Variants in SNX2 observed in about 807,000 individuals in gnomAD.
SNX2 encodes sorting nexin 2, also known as sorting nexin-2.
In SNX2, 25 loss-of-function variants were observed where a neutral mutation model predicts 69.9. The ratio of observed to expected loss-of-function variants is 0.36; its 90% CI spans 0.26 to 0.50. The LOEUF (loss-of-function observed/expected upper bound fraction) is 0.50. Among genes scored for constraint, SNX2 ranks in the 20% least tolerant of loss-of-function variants. The pLI is 0.97. For synonymous variants in SNX2, 229 were observed against 200.4 expected, an observed-to-expected ratio of 1.14 and a Z score of -1.20; for missense variants, 551 against 613.3, an observed-to-expected ratio of 0.90 and a Z score of 1.07.
At position 122,832,148 on chromosome 5, in the gene SNX2, T is replaced by TA. The variant is rs1318961059; in HGVS notation, c.*2503dup. 6.6e-6 allele frequency among the ~76,000 whole-genome samples: 1 copy of TA among 152,206 alleles called. No individual in the cohort carries two copies. The highest frequency in any genetic ancestry group is 2.4e-5 in the African/African-American group (1 of 41,460). On this transcript the variant is annotated 3_prime_UTR_variant, in exon 15 of 15. Coordinates refer to ENST00000379516, the MANE Select transcript of SNX2 (RefSeq NM_003100.4). The stretch of plus-strand genomic sequence containing the variant: ...TTGTTTTCTTAATGAGATCAAAAGT[T>TA]AAAGACCAAGGCAGCAAAATATTGT...
Position 122,817,029 on chromosome 5 carries a change from G to A in SNX2, c.912+1G>A. 1 of 1,604,316 alleles carries A rather than the reference G, an allele frequency of 6.2e-7. No individual in the cohort carries two copies. Among genetic ancestry groups the A allele is most frequent in the Non-Finnish European group, 8.5e-7 (1 of 1,172,436 alleles). ...AATCAAGATGAATGAATCGGATGCA[G>A]TAAGAGCTGATTTTTCGGCTTGAAT... On this transcript the variant is annotated splice_donor_variant, in intron 9 of 14. Transcript: ENST00000379516. LOFTEE classifies it high-confidence loss of function.
intron 8 of SNX2, among the ~76,000 whole-genome samples, chr5:122,816,441 G>C (rs975450657): frequency 6.6e-6 from 1 of 152,164 alleles, no homozygotes; most frequent in Non-Finnish European, 1.5e-5. Context: ...TGGCTCCTAA[G>C]AGCAATTTGA....
chr5:122,825,045 A>G (rs1754123230), intron 11 of SNX2, among the ~76,000 whole-genome samples: 1 of 152,160 alleles, frequency 6.6e-6, no homozygotes, highest in Non-Finnish European at 1.5e-5. Context: ...ATTTTCTCCA[A>G]AGCCTGCTTT....
chr5:122,780,244 T>C (rs933489669), intron 1 of SNX2, among the ~76,000 whole-genome samples: 3 of 152,144 alleles, frequency 2.0e-5, no homozygotes, highest in Non-Finnish European at 4.4e-5. Context: ...TAGTGGAGTG[T>C]ATGAACCAAC....
At chr5:122,804,908 C>T (rs1753602377) in intron 6 of SNX2, among the ~76,000 whole-genome samples, 1 of 152,040 alleles carries the variant, frequency 6.6e-6, no homozygotes, top group Non-Finnish European at 1.5e-5. Context: ...GTGAGCACTA[C>T]CATTACTTTT....
At chr5:122,816,827 G>A (rs2279093) in intron 8 of SNX2, 88 bp from the exon 9 acceptor site, 3 of 572,192 alleles carry the variant, frequency 5.2e-6, no homozygotes, top group East Asian at 3.4e-5. Flanking sequence ...TGGGGGGGAG[G>A]GGGGAGGAGG....
In SNX2 at chr5:122,799,620, A is replaced by G. The variant is rs528219397; in HGVS notation, c.227-72A>G. 12 of 909,200 alleles carry G rather than the reference A, an allele frequency of 1.3e-5. 1 individual carries two copies. The Admixed American group carries it at 3.2e-4, about 24-fold the overall frequency. 56.3% of individuals were successfully genotyped at this position (909,200 alleles called of 1,614,324 possible). On this transcript the variant is annotated intron_variant, in intron 2 of 14. Transcript: ENST00000379516. The stretch of plus-strand genomic sequence containing the variant: ...AATATAAAAATATTTTTTATAATCC[A>G]TTAACTGCTATGTAGAATATTGGGG...
chr5:122,790,972 A>G (rs1436892119), intron 1 of SNX2, among the ~76,000 whole-genome samples: 2 of 152,202 alleles, frequency 1.3e-5, no homozygotes, highest in Non-Finnish European at 2.9e-5. Flanking sequence ...ATTTCTCACC[A>G]TTAAGTATGA....
At position 122,822,438 on chromosome 5, in the gene SNX2, G is replaced by A. The variant is rs114937653; in HGVS notation, c.1212+3415G>A. On this transcript the variant is annotated intron_variant, in intron 11 of 14. Coordinates refer to ENST00000379516, the MANE Select transcript of SNX2 (RefSeq NM_003100.4). ...CATGTCCTTTGCCCAGTTTTTGTTTGGTTATTATCTATTTCGAATAGGTGC... is the reference window on the plus strand; with the variant it reads ...CATGTCCTTTGCCCAGTTTTTGTTTAGTTATTATCTATTTCGAATAGGTGC... Among the ~76,000 whole-genome samples, 1,259 of 152,124 alleles carry A rather than the reference G, an allele frequency of 8.3e-3. 19 individuals carry two copies. Among genetic ancestry groups the A allele is most frequent in the African/African-American group, 0.029 (1,193 of 41,482 alleles).
At chr5:122,826,860 AT>A (rs1754160743) in intron 12 of SNX2, among the ~76,000 whole-genome samples, 1 of 151,858 alleles carries the variant, frequency 6.6e-6, no homozygotes, top group African/African-American at 2.4e-5. Flanking sequence ...ATAATTCCAC[AT>A]TTTTTTCCAA....
intron 1 of SNX2, among the ~76,000 whole-genome samples, chr5:122,789,473 G>A (rs11750236): frequency 0.059 from 2,156 of 36,558 alleles, 23 homozygotes; most frequent in African/African-American, 0.16. Context: ...AGACACACAC[G>A]GACACACACA....
At chr5:122,823,442 G>T (rs1346437787) in intron 11 of SNX2, among the ~76,000 whole-genome samples, 1 of 152,014 alleles carries the variant, frequency 6.6e-6, no homozygotes, top group African/African-American at 2.4e-5. Flanking sequence ...CCTGGTTCTA[G>T]AATACTATGA....
intron 1 of SNX2, among the ~76,000 whole-genome samples, chr5:122,791,165 C>T (rs1288834902): frequency 6.8e-6 from 1 of 146,952 alleles, no homozygotes; most frequent in East Asian, 2.0e-4. Flanking sequence ...TTCTTGTTGC[C>T]CAGGCTAGAG....
intron 11 of SNX2, among the ~76,000 whole-genome samples, chr5:122,824,756 C>T (rs1223547590): frequency 1.3e-5 from 2 of 152,130 alleles, no homozygotes; most frequent in African/African-American, 4.8e-5. Flanking sequence ...TTCCATAATA[C>T]TAACCTATCC....
At position 122,815,958 on chromosome 5, in the gene SNX2, TG is replaced by T. The variant is rs749605126; in HGVS notation, c.787del (p.Glu263LysfsTer14). On this transcript the variant is annotated frameshift_variant, in exon 8 of 15. Transcript: ENST00000379516. LOFTEE classifies it high-confidence loss of function. The stretch of plus-strand genomic sequence containing the variant: ...CAGGATCCTGATTTAAGGCAGTTCT[TG>T]GAAAGTTCAGAGGTATTATTTCTAT... ...LLQDPDLRQF[L>X]ESSELPRAVN... 1.3e-6 allele frequency: 2 copies of T among 1,595,154 alleles called. No individual in the cohort carries two copies. The highest frequency in any genetic ancestry group is 1.7e-6 in the Non-Finnish European group (2 of 1,167,288).
intron 2 of SNX2, 46 bp downstream of exon 2, chr5:122,795,429 A>G: frequency 8.0e-7 from 1 of 1,247,194 alleles, no homozygotes; most frequent in South Asian, 1.2e-5. Context: ...ATTGCAGTAT[A>G]TTTTCTATTA....
chr5:122,821,081 G>A (rs1276175893), intron 11 of SNX2, among the ~76,000 whole-genome samples: 1 of 152,140 alleles, frequency 6.6e-6, no homozygotes, highest in Non-Finnish European at 1.5e-5. Flanking sequence ...AAGATATTAT[G>A]GAAGGAGGTG....
intron 1 of SNX2, among the ~76,000 whole-genome samples, chr5:122,785,906 T>G (rs1373811207): frequency 6.6e-6 from 1 of 152,210 alleles, no homozygotes; most frequent in Non-Finnish European, 1.5e-5. Flanking sequence ...GTTGATATTT[T>G]TCTGTCTTTC....
rs773561573 is a variant in SNX2, at chr5:122,816,950, A to T, written c.834A>T (p.Gly278=). The T allele has an allele frequency of 1.2e-6, 2 of 1,613,608 alleles. No individual in the cohort carries two copies. Among genetic ancestry groups the T allele is most frequent in the Non-Finnish European group, 1.7e-6 (2 of 1,179,676 alleles). Residue 278 remains glycine (G), a synonymous_variant, in exon 9 of 15, where the codon GGA becomes GGT. Coordinates refer to ENST00000379516, the MANE Select transcript of SNX2 (RefSeq NM_003100.4). The part of the protein sequence containing the change: ...PRAVNTQALS[G]AGILRMVNKA... ...CAGTTAATACACAGGCTCTGAGTGG[A>T]GCAGGAATATTGAGGATGGTGAACA...
Sources: allele counts gnomAD v4.1 joint callset (sites outside exome capture counted in the v4.1 genomes callset), GRCh38; gene constraint gnomAD v4.1.1; transcripts MANE v1.5; gene names NCBI Gene and HGNC (gene_info 2026-07-23, HGNC 2026-07-21).